The following CNTNAP2 variants were observed in gnomAD, a reference collection of about 807,000 sequenced individuals.
CNTNAP2 encodes contactin associated protein 2, also known as contactin-associated protein-like 2.
In CNTNAP2, 98 loss-of-function variants were observed where a neutral mutation model predicts 155.2. The ratio of observed to expected loss-of-function variants is 0.63; its 90% CI spans 0.54 to 0.75. The LOEUF (loss-of-function observed/expected upper bound fraction) is 0.75, where lower values mean the gene tolerates loss of function less well. Ranked by LOEUF, CNTNAP2 falls within the 30% of genes least tolerant of loss-of-function variation. The probability of loss-of-function intolerance (pLI) is 0.00; values close to 1 mark genes in which losing one functional copy is unlikely to be tolerated. For synonymous variants in CNTNAP2, 651 were observed against 631.2 expected, an observed-to-expected ratio of 1.03 and a Z score of -0.47; for missense variants, 1,727 against 1,688.1, an observed-to-expected ratio of 1.02 and a Z score of -0.40.
chr7:147,687,915 T>C (rs533475102), intron 13 of CNTNAP2, among the ~76,000 whole-genome samples: 1 of 152,300 alleles, frequency 6.6e-6, no homozygotes, highest in African/African-American at 2.4e-5. Context: ...TCTTCCATTT[T>C]CCATTGAGAA....
intron 9 of CNTNAP2, among the ~76,000 whole-genome samples, chr7:147,389,150 G>T (rs1378984156): frequency 6.6e-6 from 1 of 152,028 alleles, no homozygotes; most frequent in South Asian, 2.1e-4. Context: ...AGTTATTCAG[G>T]AAGGTTGAGT....
chr7:147,856,844 A>G (rs547440764), intron 13 of CNTNAP2, among the ~76,000 whole-genome samples: 33 of 152,266 alleles, frequency 2.2e-4, no homozygotes, highest in Admixed American at 2.0e-4. Flanking sequence ...TTTGTCAGTA[A>G]TATTTGAAAA....
chr7:147,123,674 G>C (rs549362678), intron 6 of CNTNAP2, among the ~76,000 whole-genome samples: 1 of 152,348 alleles, frequency 6.6e-6, no homozygotes, highest in African/African-American at 2.4e-5. Flanking sequence ...AAAAGTGGCT[G>C]TGCTTACCTT....
At chr7:147,183,591 A>G (rs1802510200) in intron 8 of CNTNAP2, among the ~76,000 whole-genome samples, 1 of 151,170 alleles carries the variant, frequency 6.6e-6, no homozygotes, top group Non-Finnish European at 1.5e-5. Flanking sequence ...TTTTCCTTAC[A>G]AGTTGAGTGA....
chr7:148,386,124 A>G (rs1347534667), intron 22 of CNTNAP2, among the ~76,000 whole-genome samples: 1 of 152,252 alleles, frequency 6.6e-6, no homozygotes, highest in African/African-American at 2.4e-5. Flanking sequence ...GGCCTGTGCT[A>G]TGTAACATGA....
At chr7:148,145,772 T>G (rs1252766507) in intron 16 of CNTNAP2, among the ~76,000 whole-genome samples, 1 of 152,184 alleles carries the variant, frequency 6.6e-6, no homozygotes, top group African/African-American at 2.4e-5. Context: ...CTGATCATAC[T>G]TCCATGGAAA....
intron 13 of CNTNAP2, among the ~76,000 whole-genome samples, chr7:147,737,953 C>T (rs1424890333): frequency 6.6e-6 from 1 of 152,180 alleles, no homozygotes; most frequent in Non-Finnish European, 1.5e-5. Flanking sequence ...ATTCCCTGAC[C>T]CCTTGCACTT....
intron 15 of CNTNAP2, among the ~76,000 whole-genome samples, chr7:148,034,777 A>G (rs1374644343): frequency 6.6e-6 from 1 of 152,224 alleles, no homozygotes; most frequent in East Asian, 1.9e-4. Context: ...CATTTAGGGT[A>G]ATTCTGTTGA....
At chr7:146,250,355 C>T (rs1176351174) in intron 1 of CNTNAP2, among the ~76,000 whole-genome samples, 1 of 152,098 alleles carries the variant, frequency 6.6e-6, no homozygotes, top group Admixed American at 6.6e-5. Flanking sequence ...AAGTGTTGCT[C>T]GTTAATTTTG....
intron 8 of CNTNAP2, among the ~76,000 whole-genome samples, chr7:147,285,231 T>A (rs1805149833): frequency 6.6e-6 from 1 of 151,910 alleles, no homozygotes; most frequent in African/African-American, 2.4e-5. Context: ...ATTCTGATCA[T>A]GATGATTTCC....
chr7:146,943,353 G>A (rs1343861250), intron 3 of CNTNAP2, among the ~76,000 whole-genome samples: 1 of 152,082 alleles, frequency 6.6e-6, no homozygotes, highest in Non-Finnish European at 1.5e-5. Context: ...TTAGCCGGGT[G>A]TGGTGGCATG....
At chr7:146,331,381 C>G (rs1200943514) in intron 1 of CNTNAP2, among the ~76,000 whole-genome samples, 1 of 151,708 alleles carries the variant, frequency 6.6e-6, no homozygotes, top group African/African-American at 2.4e-5. Context: ...ATTTATCCAG[C>G]AGTGTGATTT....
intron 3 of CNTNAP2, among the ~76,000 whole-genome samples, chr7:146,918,944 G>A (rs1418916692): frequency 6.6e-6 from 1 of 152,098 alleles, no homozygotes; most frequent in Non-Finnish European, 1.5e-5. Context: ...GACCTCTGAG[G>A]TTCTTTCTTC....
chr7:147,704,527 T>G (rs1397154278), intron 13 of CNTNAP2: 5 of 166,812 alleles, frequency 3.0e-5, no homozygotes, highest in Non-Finnish European at 7.2e-5. Flanking sequence ...GGACAGCTGA[T>G]AGCTGGAGAT....
chr7:146,207,536 C>A lies in CNTNAP2; in HGVS notation c.97+90563C>A, dbSNP rs147988476. 3.2e-3 allele frequency among the ~76,000 whole-genome samples: 484 copies of A among 151,494 alleles called. 4 individuals carry two copies. The highest frequency in any genetic ancestry group is 8.1e-3 in the South Asian group (39 of 4,808). ...GATTTCCATCAGTTTTAGTTGAATCCTTTCAATCTCCTTCTTTTCATTTAT... is the reference window on the plus strand; with the variant it reads ...GATTTCCATCAGTTTTAGTTGAATCATTTCAATCTCCTTCTTTTCATTTAT... On this transcript the variant is annotated intron_variant, in intron 1 of 23. Transcript: ENST00000361727.
At chr7:147,395,445 C>T (rs562579170) in intron 9 of CNTNAP2, among the ~76,000 whole-genome samples, 164 bp from the exon 10 acceptor site, 1 of 151,992 alleles carries the variant, frequency 6.6e-6, no homozygotes, top group South Asian at 2.1e-4. Context: ...AATAATCTCA[C>T]TTTCTCAAAA....
chr7:147,459,809 G>A (rs1231114487), intron 10 of CNTNAP2, among the ~76,000 whole-genome samples: 2 of 152,144 alleles, frequency 1.3e-5, no homozygotes, highest in Admixed American at 1.3e-4. Context: ...ATTTGTTACA[G>A]AAACAGTCGG....
chr7:147,784,495 ATATATATATAT>A (rs1797706340), intron 13 of CNTNAP2, among the ~76,000 whole-genome samples: 2 of 964 alleles, frequency 2.1e-3, no homozygotes, highest in African/African-American at 4.4e-3. Flanking sequence ...CTCTGGACTA[ATATATATATAT>A]ATATATATAT....
At chr7:146,217,969 C>T (rs1799140007) in intron 1 of CNTNAP2, among the ~76,000 whole-genome samples, 1 of 152,114 alleles carries the variant, frequency 6.6e-6, no homozygotes, top group East Asian at 1.9e-4. Flanking sequence ...ACCTATGTAA[C>T]ACACCTGCAC....
Sources: gnomAD v4.1 joint callset for allele counts (sites outside exome capture counted in the v4.1 genomes callset) on GRCh38, gnomAD v4.1.1 for gene constraint, MANE v1.5 for transcripts, NCBI Gene and HGNC (gene_info 2026-07-23, HGNC 2026-07-21) for gene names.